Variants in CDH4 observed in about 807,000 individuals in gnomAD.
CDH4 encodes the protein cadherin-4.
CDH4 carries 33 observed loss-of-function variants against 86.0 expected under a neutral mutation model. The ratio of observed to expected loss-of-function variants is 0.38; its 90% CI spans 0.29 to 0.51. The LOEUF (loss-of-function observed/expected upper bound fraction) is 0.51. CDH4 is among the 20% of genes least tolerant of loss of function. The pLI, the probability that CDH4 is intolerant of heterozygous loss-of-function variation, is 0.86. For synonymous variants in CDH4, 555 were observed against 549.4 expected, an observed-to-expected ratio of 1.01 and a Z score of -0.14; for missense variants, 1,114 against 1,307.4, an observed-to-expected ratio of 0.85 and a Z score of 2.28.
intron 2 of CDH4, among the ~76,000 whole-genome samples, chr20:61,257,415 A>G (rs1214552865): frequency 6.6e-6 from 1 of 152,260 alleles, no homozygotes; most frequent in Non-Finnish European, 1.5e-5. Context: ...AGTTTTCCCC[A>G]ATAGGGTAGC....
chr20:61,685,032 C>G (rs2087559091), intron 2 of CDH4, among the ~76,000 whole-genome samples: 3 of 152,124 alleles, frequency 2.0e-5, no homozygotes, highest in Admixed American at 6.5e-5. Flanking sequence ...TCTAATTGTG[C>G]AACTTACTCA....
chr20:61,562,984 G>A (rs2086232390), intron 2 of CDH4, among the ~76,000 whole-genome samples: 1 of 152,176 alleles, frequency 6.6e-6, no homozygotes, highest in South Asian at 2.1e-4. Context: ...TGGGTCCAGG[G>A]GCACCAGTGG....
intron 6 of CDH4, among the ~76,000 whole-genome samples, chr20:61,869,725 C>T (rs1024327128): frequency 6.6e-6 from 1 of 152,218 alleles, no homozygotes; most frequent in African/African-American, 2.4e-5. Flanking sequence ...CTTAGTCCTC[C>T]TCCCTACATG....
At chr20:61,862,052 G>T (rs536453608) in intron 6 of CDH4, among the ~76,000 whole-genome samples, 3 of 152,316 alleles carry the variant, frequency 2.0e-5, no homozygotes, top group African/African-American at 7.2e-5. Context: ...GGCAAAGGCT[G>T]TGCCCTCAGC....
At chr20:61,839,529 TTTG>T (rs1982047141) in intron 4 of CDH4, among the ~76,000 whole-genome samples, 2 of 115,384 alleles carry the variant, frequency 1.7e-5, no homozygotes, top group Non-Finnish European at 4.6e-5. Flanking sequence ...TGTATGTGTG[TTTG>T]TGTATGTGTA....
At chr20:61,502,307 TTG>T (rs2085709025) in intron 2 of CDH4, among the ~76,000 whole-genome samples, 2 of 152,122 alleles carry the variant, frequency 1.3e-5, no homozygotes. Flanking sequence ...GTGGTCTACT[TTG>T]TCGTTTTTCC....
In CDH4 at chr20:61,518,335, A is replaced by T. The variant is rs571809062; in HGVS notation, c.170-225228A>T. On this transcript the variant is annotated intron_variant, in intron 2 of 15. Coordinates refer to ENST00000614565, the MANE Select transcript of CDH4 (RefSeq NM_001794.5). The surrounding 1 kb of genome is among the most constrained non-coding windows in gnomAD (Gnocchi z 6.3). ...CTCTTAACCACCTCTTCCCTATGCT[A>T]AGTCTGTTCCACCTAAAGGAAAGGT... Among the ~76,000 whole-genome samples, 165 of 152,166 alleles carry T rather than the reference A, an allele frequency of 1.1e-3. No individual in the cohort carries two copies. Among genetic ancestry groups the T allele is most frequent in the African/African-American group, 3.9e-3 (161 of 41,500 alleles).
chr20:61,546,874 G>A (rs1049076569), intron 2 of CDH4, among the ~76,000 whole-genome samples: 7 of 152,172 alleles, frequency 4.6e-5, no homozygotes, highest in Non-Finnish European at 1.0e-4. Context: ...GATTGGCTGG[G>A]GGGCTGCACG....
intron 2 of CDH4, among the ~76,000 whole-genome samples, chr20:61,592,747 C>G (rs2086527051): frequency 6.6e-6 from 1 of 152,164 alleles, no homozygotes; most frequent in South Asian, 2.1e-4. Context: ...TCTGGGCCAC[C>G]CAGCACACTG....
At chr20:61,525,656 A>G (rs1333933992) in intron 2 of CDH4, among the ~76,000 whole-genome samples, 1 of 152,070 alleles carries the variant, frequency 6.6e-6, no homozygotes, top group African/African-American at 2.4e-5. Context: ...GCTGTACCCG[A>G]TCTCGTTTTC....
intron 2 of CDH4, among the ~76,000 whole-genome samples, chr20:61,686,924 C>T (rs1409076905): frequency 6.6e-6 from 1 of 152,100 alleles, no homozygotes; most frequent in African/African-American, 2.4e-5. Context: ...TAAAGCTTCC[C>T]CTCCAAACCA....
chr20:61,554,176 G>A lies in CDH4; in HGVS notation c.170-189387G>A, dbSNP rs75788517. Among the ~76,000 whole-genome samples the A allele has an allele frequency of 4.3e-3, 656 of 152,298 alleles. 14 individuals carry two copies. Among genetic ancestry groups the A allele is most frequent in the East Asian group, 0.04 (209 of 5,178 alleles). On this transcript the variant is annotated intron_variant, in intron 2 of 15. Coordinates refer to ENST00000614565, the MANE Select transcript of CDH4 (RefSeq NM_001794.5). ...CTATGATATATTTGCACAGCACTAG[G>A]TCCATTTCTTTCTGTTGTTCTTAGG...
At position 61,559,945 on chromosome 20, in the gene CDH4, A is replaced by G. The variant is rs1272558790; in HGVS notation, c.170-183618A>G. Among the ~76,000 whole-genome samples, 3 of 152,166 alleles carry G rather than the reference A, an allele frequency of 2.0e-5. No individual in the cohort carries two copies. The East Asian group carries it at 5.8e-4, about 29-fold the overall frequency. On this transcript the variant is annotated intron_variant, in intron 2 of 15. Transcript: ENST00000614565. Reference sequence around the variant, plus strand: ...CGGAAGAGTGGAGGCCCTCGGCTGCATGCACTGCCAACCTCAGAGCACCAC... The same window carrying G: ...CGGAAGAGTGGAGGCCCTCGGCTGCGTGCACTGCCAACCTCAGAGCACCAC...
At chr20:61,483,657 GAGCACC>G (rs1460599569) in intron 2 of CDH4, among the ~76,000 whole-genome samples, 1 of 151,712 alleles carries the variant, frequency 6.6e-6, no homozygotes, top group Non-Finnish European at 1.5e-5. Context: ...TGGTGGAGAG[GAGCACC>G]AGCACCCGCC....
chr20:61,890,147 T>C (rs1984749308), intron 7 of CDH4, among the ~76,000 whole-genome samples: 3 of 140,452 alleles, frequency 2.1e-5, no homozygotes, highest in Admixed American at 2.1e-4. Flanking sequence ...TGGTGGATGG[T>C]AGATGATGGA....
At chr20:61,294,070 C>T (rs1036811214) in intron 2 of CDH4, among the ~76,000 whole-genome samples, 2 of 152,106 alleles carry the variant, frequency 1.3e-5, no homozygotes, top group South Asian at 2.1e-4. Flanking sequence ...GTGGAGCGTC[C>T]GCAAGGATGC....
chr20:61,440,312 T>C (rs1372582762), intron 2 of CDH4, among the ~76,000 whole-genome samples: 6 of 152,202 alleles, frequency 3.9e-5, no homozygotes, highest in African/African-American at 1.2e-4. Context: ...TTAGTAACAT[T>C]CTAGACTCGT....
intron 2 of CDH4, among the ~76,000 whole-genome samples, chr20:61,352,735 C>T (rs1009424522): frequency 6.6e-6 from 1 of 152,058 alleles, no homozygotes; most frequent in African/African-American, 2.4e-5. Context: ...GCGTTGTTTT[C>T]CTAGCCTGCC....
intron 2 of CDH4, among the ~76,000 whole-genome samples, chr20:61,342,156 C>A (rs2123284153): frequency 6.6e-6 from 1 of 152,282 alleles, no homozygotes; most frequent in Non-Finnish European, 1.5e-5. Context: ...TGACTTAGAC[C>A]AGCGGTCCTC....
Sources: allele counts gnomAD v4.1 joint callset (sites outside exome capture counted in the v4.1 genomes callset), GRCh38; gene constraint gnomAD v4.1.1; non-coding constraint Gnocchi (gnomAD v3.1); transcripts MANE v1.5; gene names NCBI Gene and HGNC (gene_info 2026-07-23, HGNC 2026-07-21).